Variants in APBB2 observed in about 807,000 individuals in gnomAD.
APBB2 encodes the protein Fe65-like 1.
A neutral mutation model predicts 82.5 loss-of-function variants in APBB2; 38 were observed. The ratio of observed to expected loss-of-function variants is 0.46; its 90% CI spans 0.36 to 0.60. The LOEUF is 0.60. Ranked by LOEUF, APBB2 falls within the 20% of genes least tolerant of loss-of-function variation. The pLI, the probability that APBB2 is intolerant of heterozygous loss-of-function variation, is 0.00. For synonymous variants in APBB2, 341 were observed against 368.2 expected (o/e 0.93, Z 0.85); for missense variants, 772 against 972.3 (o/e 0.79, Z 2.74).
chr4:40,881,262 C>T, intron 12 of APBB2: 1 of 985,122 alleles, frequency 1.0e-6, no homozygotes, highest in Non-Finnish European at 1.2e-6. Context: ...GACTTTTCTC[C>T]CTGAGGCAAG....
At chr4:40,906,708 A>C (rs1291564592) in intron 10 of APBB2, among the ~76,000 whole-genome samples, 3 of 152,110 alleles carry the variant, frequency 2.0e-5, no homozygotes, top group African/African-American at 7.2e-5. Context: ...GTGTCCATAC[A>C]AAACATTGGA....
chr4:40,887,765 T>G (rs539564053), intron 12 of APBB2, among the ~76,000 whole-genome samples: 1 of 152,154 alleles, frequency 6.6e-6, no homozygotes, highest in Non-Finnish European at 1.5e-5. Flanking sequence ...AACCCTCCCA[T>G]GATCTCGCTG....
intron 12 of APBB2, chr4:40,842,363 C>T (rs934329907): frequency 2.0e-5 from 9 of 455,338 alleles, no homozygotes; most frequent in Non-Finnish European, 3.5e-5. Context: ...GAAAATCGGC[C>T]GGTTACCTCT....
chr4:41,210,504 T>C (rs543672096), intron 1 of APBB2, among the ~76,000 whole-genome samples: 1 of 152,292 alleles, frequency 6.6e-6, no homozygotes, highest in Non-Finnish European at 1.5e-5. Flanking sequence ...GACAAACCAT[T>C]TCGGCTGAGA....
chr4:41,117,445 AC>A (rs1285329055), intron 2 of APBB2, among the ~76,000 whole-genome samples: 1 of 151,894 alleles, frequency 6.6e-6, no homozygotes, highest in East Asian at 1.9e-4. Flanking sequence ...GGTGCCCACC[AC>A]CACGCCCAGC....
intron 10 of APBB2, among the ~76,000 whole-genome samples, chr4:40,904,441 A>T (rs1421825096): frequency 1.4e-5 from 2 of 139,570 alleles, no homozygotes; most frequent in African/African-American, 6.5e-5. Context: ...ATAAATAAAT[A>T]AATAAATAAA....
intron 12 of APBB2, among the ~76,000 whole-genome samples, chr4:40,844,783 T>A (rs751364939): frequency 3.3e-5 from 5 of 152,378 alleles, no homozygotes; most frequent in Non-Finnish European, 5.9e-5. Flanking sequence ...AATCTCAGAA[T>A]GGATGTGCTA....
At chr4:40,962,506 T>C (rs73152333) in intron 6 of APBB2, among the ~76,000 whole-genome samples, 12,890 of 152,234 alleles carry the variant, frequency 0.085, 589 homozygotes, top group Middle Eastern at 0.14. Flanking sequence ...CAGATCTAAG[T>C]TCCTTAAAGC....
chr4:40,989,400 A>T (rs1315216646), intron 6 of APBB2, among the ~76,000 whole-genome samples: 3 of 152,162 alleles, frequency 2.0e-5, no homozygotes, highest in African/African-American at 4.8e-5. Context: ...GCATCTAAAA[A>T]TCTATGCCTC....
chr4:41,102,690 C>T (rs1438349874), intron 2 of APBB2, among the ~76,000 whole-genome samples: 1 of 152,170 alleles, frequency 6.6e-6, no homozygotes, highest in East Asian at 1.9e-4. Context: ...TATCCCGACT[C>T]CATCTGATTT....
chr4:41,110,051 TATG>T (rs780985335), intron 2 of APBB2, among the ~76,000 whole-genome samples: 9 of 152,198 alleles, frequency 5.9e-5, no homozygotes, highest in Non-Finnish European at 1.2e-4. Flanking sequence ...ACTCATAACT[TATG>T]ATAACTGATT....
intron 4 of APBB2, among the ~76,000 whole-genome samples, chr4:41,061,930 T>C (rs549254513): frequency 6.6e-6 from 1 of 152,342 alleles, no homozygotes; most frequent in African/African-American, 2.4e-5. Context: ...CCACACCTGA[T>C]GATAAAATTA....
At chr4:40,878,127 A>G (rs1482129589) in intron 12 of APBB2, among the ~76,000 whole-genome samples, 1 of 152,130 alleles carries the variant, frequency 6.6e-6, no homozygotes. Context: ...AAGGCGGATC[A>G]CTTGAGGCCA....
intron 6 of APBB2, among the ~76,000 whole-genome samples, chr4:40,990,925 A>T (rs1801838718): frequency 6.6e-6 from 1 of 151,612 alleles, no homozygotes; most frequent in African/African-American, 2.4e-5. Flanking sequence ...GAAAGGAAGG[A>T]AACCCTGAAT....
chr4:41,053,548 A>C (rs957621705), intron 4 of APBB2, among the ~76,000 whole-genome samples: 1 of 152,238 alleles, frequency 6.6e-6, no homozygotes, highest in African/African-American at 2.4e-5. Context: ...AAATTTAATA[A>C]TACCATTACC....
At chr4:40,873,812 T>C (rs1378680872) in intron 12 of APBB2, among the ~76,000 whole-genome samples, 1 of 152,212 alleles carries the variant, frequency 6.6e-6, no homozygotes, top group African/African-American at 2.4e-5. Context: ...TTAGGGATTT[T>C]ACAGGGGGAA....
intron 2 of APBB2, among the ~76,000 whole-genome samples, chr4:41,120,644 G>T (rs1752529145): frequency 6.6e-6 from 1 of 152,178 alleles, no homozygotes; most frequent in Non-Finnish European, 1.5e-5. Flanking sequence ...TTGAGAAAAT[G>T]TGCCACGATA....
At chr4:40,928,094 AG>A (rs1316515099) in intron 10 of APBB2, among the ~76,000 whole-genome samples, 2 of 152,254 alleles carry the variant, frequency 1.3e-5, no homozygotes, top group Non-Finnish European at 2.9e-5. Context: ...AAACGTGCCA[AG>A]GAGTTGTCTT....
chr4:40,982,286 G>A (rs1375405698), intron 6 of APBB2, among the ~76,000 whole-genome samples: 4 of 32,124 alleles, frequency 1.2e-4, no homozygotes, highest in African/African-American at 7.7e-4. Flanking sequence ...AAGAAAGAAG[G>A]AAGGAAGGAA....
Sources: gnomAD v4.1 joint callset for allele counts (sites outside exome capture counted in the v4.1 genomes callset) on GRCh38, gnomAD v4.1.1 for gene constraint, MANE v1.5 for transcripts, NCBI Gene and HGNC (gene_info 2026-07-23, HGNC 2026-07-21) for gene names.